Variants in FBXL17 observed in about 807,000 individuals in gnomAD.
FBXL17 encodes the protein F-box/LRR-repeat protein 17.
Under a neutral mutation model 66.2 loss-of-function variants are expected in FBXL17, and 22 were observed. That is an observed-to-expected ratio of 0.33 (90% CI 0.24 to 0.47). The LOEUF is 0.47. FBXL17 is among the 20% of genes least tolerant of loss of function. The probability of loss-of-function intolerance (pLI) is 1.00; values close to 1 mark genes in which losing one functional copy is unlikely to be tolerated. For missense variants in FBXL17, 878 were observed against 948.2 expected (o/e 0.93, Z 0.97); for synonymous variants, 474 against 400.5 (o/e 1.18, Z -2.19).
At chr5:107,880,482 C>G in intron 8 of FBXL17, 3 of 995,546 alleles carry the variant, frequency 3.0e-6, no homozygotes, top group Non-Finnish European at 3.6e-6. Flanking sequence ...ACCAGGACCT[C>G]TGGAACCACT....
intron 6 of FBXL17, among the ~76,000 whole-genome samples, chr5:108,054,961 T>G (rs1747629317): frequency 6.6e-6 from 1 of 152,088 alleles, no homozygotes; most frequent in Non-Finnish European, 1.5e-5. Flanking sequence ...GTGGAGGTAA[T>G]AGGAAAAAGT....
chr5:108,161,187 TAC>T (rs1229162386), intron 6 of FBXL17, among the ~76,000 whole-genome samples: 2 of 151,886 alleles, frequency 1.3e-5, no homozygotes, highest in East Asian at 3.9e-4. Context: ...CATACATACA[TAC>T]ATACATACCC....
At chr5:108,256,682 T>C (rs2150120464) in intron 4 of FBXL17, among the ~76,000 whole-genome samples, 1 of 152,230 alleles carries the variant, frequency 6.6e-6, no homozygotes, top group East Asian at 1.9e-4. Context: ...CTTTCCTATG[T>C]AGTTGTATAA....
At chr5:108,135,056 GT>G (rs1326042379) in intron 6 of FBXL17, among the ~76,000 whole-genome samples, 1 of 152,116 alleles carries the variant, frequency 6.6e-6, no homozygotes, top group African/African-American at 2.4e-5. Context: ...CTCAAAAAGG[GT>G]AGCAATATAT....
At chr5:108,293,856 C>T (rs1369598649) in intron 4 of FBXL17, among the ~76,000 whole-genome samples, 2 of 151,520 alleles carry the variant, frequency 1.3e-5, no homozygotes. Context: ...ACCTGGCCAA[C>T]GTGGTGAAAC....
intron 5 of FBXL17, among the ~76,000 whole-genome samples, chr5:108,189,127 T>C (rs1178127152): frequency 6.6e-6 from 1 of 152,172 alleles, no homozygotes; most frequent in Non-Finnish European, 1.5e-5. Flanking sequence ...GCTATGTACA[T>C]TTATCAACTC....
At chr5:107,980,815 C>A (rs1262602020) in intron 7 of FBXL17, among the ~76,000 whole-genome samples, 2 of 149,226 alleles carry the variant, frequency 1.3e-5, no homozygotes, top group African/African-American at 5.0e-5. Flanking sequence ...CACCACCACG[C>A]CTGGCTAATT....
intron 6 of FBXL17, among the ~76,000 whole-genome samples, chr5:108,024,432 T>C (rs888567910): frequency 1.3e-5 from 2 of 152,128 alleles, no homozygotes; most frequent in Non-Finnish European, 2.9e-5. Flanking sequence ...ATCACGTACA[T>C]TTTTTGGAGC....
chr5:107,892,888 C>T (rs1413952565), intron 7 of FBXL17, among the ~76,000 whole-genome samples: 2 of 152,158 alleles, frequency 1.3e-5, no homozygotes, highest in South Asian at 2.1e-4. Context: ...CAAAACATTT[C>T]CAGTTTTGAT....
chr5:108,343,280 C>T (rs1054686371), intron 4 of FBXL17, among the ~76,000 whole-genome samples: 8 of 152,114 alleles, frequency 5.3e-5, no homozygotes, highest in Non-Finnish European at 1.5e-5. Flanking sequence ...CTTTAGAATG[C>T]CACATTCAAA....
intron 7 of FBXL17, among the ~76,000 whole-genome samples, chr5:107,901,676 T>C (rs1371866876): frequency 6.6e-6 from 1 of 152,214 alleles, no homozygotes; most frequent in Non-Finnish European, 1.5e-5. Context: ...CTCATTCCTC[T>C]AGGCCTGCCT....
intron 4 of FBXL17, among the ~76,000 whole-genome samples, chr5:108,264,890 A>T (rs1180949630): frequency 1.3e-5 from 2 of 151,744 alleles, no homozygotes; most frequent in Admixed American, 1.3e-4. Flanking sequence ...ATCAGTAAAC[A>T]TGAAAAAAAT....
chr5:108,282,694 A>G lies in FBXL17; in HGVS notation c.1507-58466T>C, dbSNP rs1459611245. Among the ~76,000 whole-genome samples the G allele has an allele frequency of 2.6e-5, 4 of 151,738 alleles. No homozygotes were observed. The South Asian group carries it at 8.3e-4, about 31-fold the overall frequency. On this transcript the variant is annotated intron_variant, in intron 4 of 8. Transcript: ENST00000542267. ...TCTGGCAAAAGAAATAAGTAAAAGG[A>G]TCCAAACTGGAAAAGAAGTCAAATT...
chr5:108,361,060 G>T (rs567542228), intron 3 of FBXL17, among the ~76,000 whole-genome samples: 1 of 152,068 alleles, frequency 6.6e-6, no homozygotes, highest in East Asian at 1.9e-4. Flanking sequence ...AAAATCTTTA[G>T]TAAAATCTTT....
chr5:108,103,456 G>A (rs1404797928), intron 6 of FBXL17, among the ~76,000 whole-genome samples: 2 of 152,078 alleles, frequency 1.3e-5, no homozygotes, highest in East Asian at 1.9e-4. Context: ...TAATCTTTTG[G>A]TCAGTGGATC....
intron 4 of FBXL17, among the ~76,000 whole-genome samples, chr5:108,249,421 CA>C (rs1756250244): frequency 6.6e-6 from 1 of 152,112 alleles, no homozygotes; most frequent in Admixed American, 6.6e-5. Context: ...ACTATCTGGT[CA>C]AACAAATATA....
At chr5:107,944,970 TAA>T (rs34809558) in intron 7 of FBXL17, among the ~76,000 whole-genome samples, 5 of 151,672 alleles carry the variant, frequency 3.3e-5, no homozygotes, top group Non-Finnish European at 7.4e-5. Flanking sequence ...CATAATAAAA[TAA>T]AAGTCAAGCC....
At chr5:108,166,196 T>C (rs888259272) in intron 6 of FBXL17, among the ~76,000 whole-genome samples, 7 of 152,216 alleles carry the variant, frequency 4.6e-5, no homozygotes, top group African/African-American at 1.2e-4. Context: ...AATTCAGATA[T>C]ATCAATAATC....
At chr5:108,025,717 A>ACACACG (rs1554058179) in intron 6 of FBXL17, among the ~76,000 whole-genome samples, 1 of 104,012 alleles carries the variant, frequency 9.6e-6, no homozygotes, top group African/African-American at 3.6e-5. Context: ...ACACACACAC[A>ACACACG]CGCGCGCGCG....
Sources: allele counts gnomAD v4.1 joint callset (sites outside exome capture counted in the v4.1 genomes callset), GRCh38; gene constraint gnomAD v4.1.1; transcripts MANE v1.5; gene names NCBI Gene and HGNC (gene_info 2026-07-23, HGNC 2026-07-21).